SLC6A4: variants seen among roughly 807,000 people sequenced by gnomAD.
SLC6A4 encodes sodium-dependent serotonin transporter.
Under a neutral mutation model 73.4 loss-of-function variants are expected in SLC6A4, and 22 were observed. That is an observed-to-expected ratio of 0.30 (90% CI 0.21 to 0.43). The LOEUF (loss-of-function observed/expected upper bound fraction) is 0.43. Ranked by LOEUF, SLC6A4 falls within the 20% of genes least tolerant of loss-of-function variation. The pLI is 1.00. For synonymous variants in SLC6A4, 270 were observed against 315.5 expected (o/e 0.86, Z 1.53); for missense variants, 593 against 808.5 (o/e 0.73, Z 3.23).
chr17:30,216,883 A>T (rs2143014970), intron 6 of SLC6A4, among the ~76,000 whole-genome samples: 1 of 151,500 alleles, frequency 6.6e-6, no homozygotes, highest in African/African-American at 2.4e-5. Flanking sequence ...TTGTTTAAGT[A>T]GAGATGAGGT....
chr17:30,203,074 G>A, intron 14 of SLC6A4, 98 bp downstream of exon 14: 2 of 1,018,160 alleles, frequency 2.0e-6, no homozygotes, highest in South Asian at 1.5e-5. Context: ...ATGCCTCCTG[G>A]TGAATCTCAT....
chr17:30,202,067 G>T (rs1399968436), intron 14 of SLC6A4, among the ~76,000 whole-genome samples: 1 of 152,148 alleles, frequency 6.6e-6, no homozygotes, highest in Admixed American at 6.5e-5. Flanking sequence ...ACTCCAGCCT[G>T]GGGTACAGAG....
rs1465643946 is a variant in SLC6A4, at chr17:30,194,859, C to G, written c.*3597G>C. 1 of 152,192 alleles carries G rather than the reference C, an allele frequency of 6.6e-6. No homozygotes were observed. The highest frequency in any genetic ancestry group is 1.5e-5 in the Non-Finnish European group (1 of 68,042). 9.4% of individuals were successfully genotyped at this position (152,192 alleles called of 1,614,324 possible). ...GACTGATGCCATCTATTCTCTCCCC[C>G]AAACGACAAAATTCTTCTTAGTTCA... On this transcript the variant is annotated 3_prime_UTR_variant, in exon 15 of 15. Transcript: ENST00000650711.
chr17:30,203,269 C>G lies in SLC6A4; in HGVS notation c.1721G>C (p.Ser574Thr). ...TCCTATGCAGTAACCCAAGATGATA[C>G]TCCAGTAAGGATAATTATATTGGAA... The part of the protein sequence containing the change: ...RLFQYNYPYW[S>T]IILGYCIGTS... Residue 574 changes from serine to threonine, a missense_variant, in exon 14 of 15, where the codon AGT (serine) becomes ACT (threonine). By Grantham distance (58) the Ser-to-Thr change is moderately conservative (BLOSUM62 1). Transcript: ENST00000650711. The G allele has an allele frequency of 6.2e-7, 1 of 1,613,672 alleles. No homozygotes were observed. Among genetic ancestry groups the G allele is most frequent in the Non-Finnish European group, 8.5e-7 (1 of 1,179,582 alleles).
intron 13 of SLC6A4, among the ~76,000 whole-genome samples, chr17:30,204,810 G>A (rs1182418591): frequency 6.6e-6 from 1 of 152,134 alleles, no homozygotes; most frequent in Non-Finnish European, 1.5e-5. Context: ...CTGTAGAGGG[G>A]TGAGTATGGC....
rs1905888785 is a variant in SLC6A4 at position 30,197,152 on chromosome 17, A to G, written c.*1304T>C. Reference sequence around the variant, plus strand: ...CGCCTCTGAGAGTCACGAGACACCAAAGGCCAAATTTACTTATCTATATTA... The same window carrying G: ...CGCCTCTGAGAGTCACGAGACACCAGAGGCCAAATTTACTTATCTATATTA... On this transcript the variant is annotated 3_prime_UTR_variant, in exon 15 of 15. Transcript: ENST00000650711. 3 of 152,334 alleles carry G rather than the reference A, an allele frequency of 2.0e-5. No homozygotes were observed. The highest frequency in any genetic ancestry group is 2.0e-4 in the Admixed American group (3 of 15,274). The allele number at this position is 152,334 out of a possible 1,614,324, so 9.4% of individuals were successfully genotyped here. A position where few individuals can be genotyped will look rare whatever the true frequency, so the allele number is the denominator to read the frequency against.
At chr17:30,233,381 G>T (rs1907173413) in intron 1 of SLC6A4, among the ~76,000 whole-genome samples, 1 of 152,208 alleles carries the variant, frequency 6.6e-6, no homozygotes, top group Non-Finnish European at 1.5e-5. Context: ...CCTGTTGGTT[G>T]GCTGTGGTTA....
intron 1 of SLC6A4, among the ~76,000 whole-genome samples, chr17:30,229,823 C>G (rs1041926801): frequency 2.0e-5 from 3 of 151,954 alleles, no homozygotes; most frequent in African/African-American, 7.2e-5. Flanking sequence ...AGTTCGAGAC[C>G]AGCCTGATCA....
rs1225379512 is a variant in SLC6A4, at chr17:30,207,840, C to T, written c.1550-8G>A. On this transcript the variant is annotated splice_polypyrimidine_tract_variant and splice_region_variant and intron_variant, in intron 12 of 14. Coordinates refer to ENST00000650711, the MANE Select transcript of SLC6A4 (RefSeq NM_001045.6). ...TGCAGAACTGAGTGATGCCTGGAACCGCCCAAGGGGAAGAGAGGCAGAGAC... is the reference window on the plus strand; with the variant it reads ...TGCAGAACTGAGTGATGCCTGGAACTGCCCAAGGGGAAGAGAGGCAGAGAC... 2.5e-6 allele frequency: 4 copies of T among 1,607,630 alleles called. No homozygotes were observed. The highest frequency in any genetic ancestry group is 2.6e-6 in the Non-Finnish European group (3 of 1,174,496).
At position 30,195,435 on chromosome 17, in the gene SLC6A4, A is replaced by G. The variant is rs1156596289; in HGVS notation, c.*3021T>C. On this transcript the variant is annotated 3_prime_UTR_variant, in exon 15 of 15. Transcript: ENST00000650711. ...GCCACCATGGCTGGCTAATTTTTGT[A>G]TTTTTAGTAGAGATGGGGTTTCACC... is the stretch of plus-strand genomic sequence containing the variant. 1 of 152,034 alleles carries G rather than the reference A, an allele frequency of 6.6e-6. No homozygotes were observed. Among genetic ancestry groups the G allele is most frequent in the African/African-American group, 2.4e-5 (1 of 41,404 alleles). The allele number at this position is 152,034 out of a possible 1,614,324, so 9.4% of individuals were successfully genotyped here.
In SLC6A4 at chr17:30,235,464, CA is replaced by C. The variant is rs755777517; in HGVS notation, c.-221+148del. ...TTGCTGAGCGTGGAGGGCGCAGGGG[CA>C]GGATCCGGCGCCCACCGCTGGGGCG... On this transcript the variant is annotated intron_variant, in intron 1 of 14. Transcript: ENST00000650711. The surrounding 1 kb of genome is among the most constrained non-coding windows in gnomAD (Gnocchi z 4.5). 162 of 152,256 alleles carry C rather than the reference CA, an allele frequency of 1.1e-3. No individual in the cohort carries two copies. Among genetic ancestry groups the C allele is most frequent in the Non-Finnish European group, 1.3e-3 (90 of 68,028 alleles). The allele number at this position is 152,256 out of a possible 1,614,324, so 9.4% of individuals were successfully genotyped here. A position where few individuals can be genotyped will look rare whatever the true frequency, so the allele number is the denominator to read the frequency against.
At chr17:30,208,004 T>C (rs1906261621) in intron 12 of SLC6A4, among the ~76,000 whole-genome samples, 172 bp from the exon 13 acceptor site, 2 of 152,112 alleles carry the variant, frequency 1.3e-5, no homozygotes, top group African/African-American at 4.8e-5. Flanking sequence ...CTGGAATTTC[T>C]CTCTAGGAGG....
rs1441178398 is a variant in SLC6A4, at chr17:30,230,127, AGG to A, written c.-221+5484_-221+5485del. Among the ~76,000 whole-genome samples, 1,069 of 149,018 alleles carry A rather than the reference AGG, an allele frequency of 7.2e-3. 26 individuals are homozygous for A. The highest frequency in any genetic ancestry group is 0.026 in the African/African-American group (1,012 of 39,054). On this transcript the variant is annotated intron_variant, in intron 1 of 14. Coordinates refer to ENST00000650711, the MANE Select transcript of SLC6A4 (RefSeq NM_001045.6). Reference sequence around the variant, plus strand: ...GAAGAGGAAGAGGAAGAGGAAGAGGAGGAGGAGGAGGAGGAGGAGGAGGAAGA... The same window carrying A: ...GAAGAGGAAGAGGAAGAGGAAGAGGAAGGAGGAGGAGGAGGAGGAGGAAGA...
chr17:30,228,277 C>T (rs756079450), intron 1 of SLC6A4, among the ~76,000 whole-genome samples: 1 of 152,142 alleles, frequency 6.6e-6, no homozygotes, highest in African/African-American at 2.4e-5. Flanking sequence ...CTGTTAAAAC[C>T]GCTACTTCCT....
At chr17:30,214,983 T>C (rs1235841215) in intron 8 of SLC6A4, among the ~76,000 whole-genome samples, 1 of 93,582 alleles carries the variant, frequency 1.1e-5, no homozygotes, top group African/African-American at 3.6e-5. Flanking sequence ...CTTTCTTTCT[T>C]TTTCTTTCCT....
Position 30,198,435 on chromosome 17 carries a change from T to G in SLC6A4, c.*21A>C. On this transcript the variant is annotated 3_prime_UTR_variant, in exon 15 of 15. Coordinates refer to ENST00000650711, the MANE Select transcript of SLC6A4 (RefSeq NM_001045.6). ...TGGAGGAGGAGGTTGTGGAGAAGCC[T>G]TTTTCCTCTCGGTGAGTGTGTTACA... 6.7e-7 allele frequency: 1 copy of G among 1,481,504 alleles called. No individual in the cohort carries two copies. The highest frequency in any genetic ancestry group is 1.9e-5 in the Admixed American group (1 of 53,956). The allele number at this position is 1,481,504 out of a possible 1,614,324, so 91.8% of individuals were successfully genotyped here. A position where few individuals can be genotyped will look rare whatever the true frequency, so the allele number is the denominator to read the frequency against.
intron 9 of SLC6A4, among the ~76,000 whole-genome samples, chr17:30,212,446 G>A (rs868126380): frequency 2.0e-5 from 3 of 152,210 alleles, no homozygotes; most frequent in African/African-American, 7.2e-5. Context: ...AAGTACAGTG[G>A]TGTGATCATG....
chr17:30,221,976 G>T lies in SLC6A4; in HGVS notation c.-18C>A. On this transcript the variant is annotated 5_prime_UTR_variant, in exon 3 of 15. Transcript: ENST00000650711. ...GTCTCCATCCTGCTGGTTAGTAAATGACACTGATGTCCATCTGCCAAGGAT... is the reference window on the plus strand; with the variant it reads ...GTCTCCATCCTGCTGGTTAGTAAATTACACTGATGTCCATCTGCCAAGGAT... 1.2e-6 allele frequency: 2 copies of T among 1,613,934 alleles called. No homozygotes were observed. Among genetic ancestry groups the T allele is most frequent in the South Asian group, 2.2e-5 (2 of 91,050 alleles).
At chr17:30,203,363 A>G in intron 13 of SLC6A4, 24 bp from the exon 14 acceptor site, 1 of 1,605,102 alleles carries the variant, frequency 6.2e-7, no homozygotes, top group Middle Eastern at 1.7e-4. Flanking sequence ...TCCAAGAAAC[A>G]TTAAAAACCT....
Sources: gnomAD v4.1 joint callset for allele counts (sites outside exome capture counted in the v4.1 genomes callset) on GRCh38, gnomAD v4.1.1 for gene constraint, Gnocchi (gnomAD v3.1) non-coding constraint, MANE v1.5 for transcripts, NCBI Gene and HGNC (gene_info 2026-07-23, HGNC 2026-07-21) for gene names.